SLC7A11: variants seen among roughly 807,000 people sequenced by gnomAD.
SLC7A11 encodes the protein cystine/glutamate transporter.
A neutral mutation model predicts 54.5 loss-of-function variants in SLC7A11; 35 were observed. The ratio of observed to expected loss-of-function variants is 0.64; its 90% confidence interval spans 0.49 to 0.85. The LOEUF (loss-of-function observed/expected upper bound fraction) is 0.85, where lower values mean the gene tolerates loss of function less well. SLC7A11 is among the 40% of genes least tolerant of loss of function. The pLI is 0.00. For synonymous variants in SLC7A11, 230 were observed against 225.2 expected, an observed-to-expected ratio of 1.02 and a Z score of -0.19; for missense variants, 583 against 618.1, an observed-to-expected ratio of 0.94 and a Z score of 0.60.
chr4:138,233,800 C>T (rs575108032), intron 2 of SLC7A11, among the ~76,000 whole-genome samples: 143 of 152,312 alleles, frequency 9.4e-4, no homozygotes, highest in African/African-American at 3.2e-3. Context: ...AAAGCCTTCA[C>T]ATTGCATTCA....
Position 138,197,470 on chromosome 4 carries a change from C to A in SLC7A11, c.792-12226G>T, listed in dbSNP as rs147179605. Among the ~76,000 whole-genome samples the A allele has an allele frequency of 2.3e-3, 344 of 151,940 alleles. 2 individuals carry two copies. The highest frequency in any genetic ancestry group is 8.0e-3 in the African/African-American group (332 of 41,490). On this transcript the variant is annotated intron_variant, in intron 6 of 11. Transcript: ENST00000280612. The stretch of plus-strand genomic sequence containing the variant: ...TTTAATTAGTTAACATTTTTTAAAT[C>A]TGAAAGAAGAAAAATAAGTCAAGTT...
intron 4 of SLC7A11, 50 bp downstream of exon 4, chr4:138,223,149 G>C: frequency 1.9e-6 from 3 of 1,563,950 alleles, no homozygotes; most frequent in South Asian, 1.1e-5. Context: ...TGTTAAAAAA[G>C]ACCAAAAGCA....
At chr4:138,237,448 G>A (rs1738239683) in intron 1 of SLC7A11, among the ~76,000 whole-genome samples, 1 of 149,416 alleles carries the variant, frequency 6.7e-6, no homozygotes, top group Non-Finnish European at 1.5e-5. Context: ...CACCCAGGCT[G>A]GAGTGCAATG....
intron 8 of SLC7A11, 93 bp downstream of exon 8, chr4:138,183,109 G>T (rs764188341): frequency 2.4e-5 from 20 of 837,958 alleles, no homozygotes; most frequent in African/African-American, 6.8e-5. Flanking sequence ...CAACAGGTTT[G>T]GAGGCACTAT....
In SLC7A11 at chr4:138,179,332, G is replaced by C; in HGVS notation, c.1329C>G (p.Leu443=). 1.2e-6 allele frequency: 2 copies of C among 1,612,678 alleles called. No individual in the cohort carries two copies. The highest frequency in any genetic ancestry group is 1.7e-6 in the Non-Finnish European group (2 of 1,179,196). The change falls in exon 11 of 12, where the codon CTC becomes CTG. Residue 443 remains leucine (L), a synonymous_variant. Coordinates refer to ENST00000280612, the MANE Select transcript of SLC7A11 (RefSeq NM_014331.4). ...TCCCTGTACTAAATGGGTCCGAATAGAGGGAAAGGGCAACCATGAAGAGGC... is the reference window on the plus strand; with the variant it reads ...TCCCTGTACTAAATGGGTCCGAATACAGGGAAAGGGCAACCATGAAGAGGC... ...FTCLFMVALS[L]YSDPFSTGIG...
intron 9 of SLC7A11, among the ~76,000 whole-genome samples, chr4:138,181,532 C>A (rs967591371): frequency 6.6e-6 from 1 of 151,972 alleles, no homozygotes; most frequent in Admixed American, 6.6e-5. Context: ...AGAGAGTACA[C>A]ATACTTTAAA....
chr4:138,219,140 A>T, intron 5 of SLC7A11, 126 bp downstream of exon 5: 1 of 603,608 alleles, frequency 1.7e-6, no homozygotes, highest in Non-Finnish European at 3.0e-6. Context: ...TCTCATTTCA[A>T]GTAAAGCCTA....
chr4:138,218,951 C>CACTATTATGTCCTTACTGGTACAT (rs1345041990), intron 5 of SLC7A11, among the ~76,000 whole-genome samples: 9 of 152,256 alleles, frequency 5.9e-5, no homozygotes, highest in Admixed American at 5.9e-4. Flanking sequence ...TACCTTACGG[C>CACTATTATGTCCTTACTGGTACAT]ACTATTATGT....
At chr4:138,188,879 A>G (rs1736942882) in intron 6 of SLC7A11, among the ~76,000 whole-genome samples, 1 of 152,210 alleles carries the variant, frequency 6.6e-6, no homozygotes, top group Non-Finnish European at 1.5e-5. Flanking sequence ...AAATGTTAGT[A>G]CATGTTTGTT....
Position 138,183,232 on chromosome 4 carries a change from G to A in SLC7A11, c.989C>T (p.Ser330Phe), listed in dbSNP as rs1736790175. The change falls in exon 8 of 12, where the codon TCC becomes TTC. Residue 330 changes from serine (S) to phenylalanine (F), a missense_variant. Transcript: ENST00000280612. ...GACAGCAAACACACCACCGTTCATGGAGCCAAAGCAGGAGAGGGCAACAAA... is the reference window on the plus strand; with the variant it reads ...GACAGCAAACACACCACCGTTCATGAAGCCAAAGCAGGAGAGGGCAACAAA... ...PIFVALSCFGSMNGGVFAVSR... is the reference protein window; with the variant it reads ...PIFVALSCFGFMNGGVFAVSR... 6.2e-6 allele frequency: 10 copies of A among 1,612,024 alleles called. No individual in the cohort carries two copies. The highest frequency in any genetic ancestry group is 7.6e-6 in the Non-Finnish European group (9 of 1,178,834).
intron 6 of SLC7A11, among the ~76,000 whole-genome samples, chr4:138,209,581 C>A (rs1019052850): frequency 1.3e-5 from 2 of 151,964 alleles, no homozygotes; most frequent in Non-Finnish European, 2.9e-5. Flanking sequence ...AGTAGCATAT[C>A]TATACACTGA....
At chr4:138,186,084 C>T (rs1286068719) in intron 6 of SLC7A11, among the ~76,000 whole-genome samples, 2 of 152,078 alleles carry the variant, frequency 1.3e-5, no homozygotes, top group Non-Finnish European at 2.9e-5. Context: ...AATATTATGT[C>T]TTCATTTAAT....
At chr4:138,216,290 C>T (rs1737679201) in intron 5 of SLC7A11, among the ~76,000 whole-genome samples, 1 of 152,062 alleles carries the variant, frequency 6.6e-6, no homozygotes, top group Non-Finnish European at 1.5e-5. Context: ...ACAAAATAAT[C>T]CCAGCAAGTG....
At chr4:138,218,613 G>A (rs1013061519) in intron 5 of SLC7A11, among the ~76,000 whole-genome samples, 2 of 152,038 alleles carry the variant, frequency 1.3e-5, no homozygotes, top group African/African-American at 4.8e-5. Context: ...TATCACAGGT[G>A]GACATACATC....
chr4:138,180,611 A>G (rs752836543), intron 10 of SLC7A11, 30 bp downstream of exon 10: 2 of 1,609,644 alleles, frequency 1.2e-6, no homozygotes. Context: ...AGAGAGATTT[A>G]TGTAAACCCA....
intron 10 of SLC7A11, among the ~76,000 whole-genome samples, chr4:138,179,771 T>C (rs1160535981): frequency 6.6e-6 from 1 of 152,186 alleles, no homozygotes; most frequent in Non-Finnish European, 1.5e-5. Context: ...AGAACCCACT[T>C]TAATGTGGAG....
chr4:138,185,556 CCT>C (rs1736856407), intron 6 of SLC7A11, among the ~76,000 whole-genome samples: 2 of 152,240 alleles, frequency 1.3e-5, no homozygotes, highest in Middle Eastern at 6.8e-3. Context: ...ATCAGAATCA[CCT>C]GCAGGGCTTG....
intron 6 of SLC7A11, among the ~76,000 whole-genome samples, chr4:138,188,088 G>A (rs1736920101): frequency 6.6e-6 from 1 of 151,646 alleles, no homozygotes; most frequent in East Asian, 1.9e-4. Flanking sequence ...TTTTAAGATA[G>A]AGTCTCACTC....
At chr4:138,213,145 G>A (rs538337528) in intron 6 of SLC7A11, among the ~76,000 whole-genome samples, 1 of 151,894 alleles carries the variant, frequency 6.6e-6, no homozygotes, top group Admixed American at 6.6e-5. Context: ...TCCAAGTAAC[G>A]CTTAGAAAGA....
Sources: gnomAD v4.1 joint callset for allele counts (sites outside exome capture counted in the v4.1 genomes callset) on GRCh38, gnomAD v4.1.1 for gene constraint, MANE v1.5 for transcripts, NCBI Gene and HGNC (gene_info 2026-07-23, HGNC 2026-07-21) for gene names.